CNOT4: variants seen among roughly 807,000 people sequenced by gnomAD.
CNOT4 encodes the protein CCR4-NOT transcription complex subunit 4, also known as CCR4-associated factor 4.
CNOT4 carries 8 observed loss-of-function variants against 73.8 expected under a neutral mutation model. That is an observed-to-expected ratio of 0.11 (90% CI 0.06 to 0.20). The LOEUF is 0.20. Among genes scored for constraint, CNOT4 ranks in the 10% least tolerant of loss-of-function variants. The pLI, the probability that CNOT4 is intolerant of heterozygous loss-of-function variation, is 1.00. For missense variants in CNOT4, 564 were observed against 883.4 expected (o/e 0.64, Z 4.58); for synonymous variants, 293 against 321.1 (o/e 0.91, Z 0.94).
intron 1 of CNOT4, among the ~76,000 whole-genome samples, chr7:135,443,098 C>T (rs1324203705): frequency 1.3e-5 from 2 of 151,932 alleles, no homozygotes; most frequent in African/African-American, 4.8e-5. Context: ...CACCTGTAAC[C>T]CCAGCACTTT....
chr7:135,475,504 TAACA>T (rs1002052849), intron 1 of CNOT4, among the ~76,000 whole-genome samples: 3 of 152,094 alleles, frequency 2.0e-5, no homozygotes, highest in Non-Finnish European at 4.4e-5. Context: ...AAAAGAAAAC[TAACA>T]AACACAAAGC....
chr7:135,497,838 T>G (rs1003939245), intron 1 of CNOT4, among the ~76,000 whole-genome samples: 2 of 152,252 alleles, frequency 1.3e-5, no homozygotes, highest in African/African-American at 4.8e-5. Flanking sequence ...TATTTCTATG[T>G]GGTCAAGTGA....
intron 6 of CNOT4, among the ~76,000 whole-genome samples, chr7:135,410,887 T>C (rs771661050): frequency 6.6e-6 from 1 of 151,786 alleles, no homozygotes; most frequent in Non-Finnish European, 1.5e-5. Flanking sequence ...ATGATATATA[T>C]CTGATAAATT....
In CNOT4 at chr7:135,458,448, GACA is replaced by G. The variant is rs1800679247; in HGVS notation, c.-92-20028_-92-20026del. 5.9e-5 allele frequency among the ~76,000 whole-genome samples: 9 copies of G among 152,054 alleles called. No individual in the cohort carries two copies. The South Asian group carries it at 1.0e-3, about 18-fold the overall frequency. Reference sequence around the variant, plus strand: ...TAGCTGTAGCAATTTCTTAAAATAAGACAACAATAAAGTTTGCCACAGCCATTG... The same window carrying G: ...TAGCTGTAGCAATTTCTTAAAATAAGACAATAAAGTTTGCCACAGCCATTG... On this transcript the variant is annotated intron_variant, in intron 1 of 11. Coordinates refer to ENST00000541284, the MANE Select transcript of CNOT4 (RefSeq NM_001190850.2).
intron 7 of CNOT4, among the ~76,000 whole-genome samples, chr7:135,401,054 T>C (rs1796975779): frequency 6.6e-6 from 1 of 152,168 alleles, no homozygotes; most frequent in African/African-American, 2.4e-5. Flanking sequence ...GTAACCCCAA[T>C]AGAAAGAAAA....
chr7:135,488,195 T>C (rs1167297175), intron 1 of CNOT4, among the ~76,000 whole-genome samples: 1 of 152,222 alleles, frequency 6.6e-6, no homozygotes, highest in Non-Finnish European at 1.5e-5. Context: ...TTGAGCTCTG[T>C]TACCCAGGCT....
chr7:135,442,074 T>C (rs1447816934), intron 1 of CNOT4, among the ~76,000 whole-genome samples: 2 of 152,214 alleles, frequency 1.3e-5, no homozygotes, highest in Non-Finnish European at 2.9e-5. Context: ...AGTAACTATA[T>C]GATCTTGGAT....
At chr7:135,477,343 CA>C (rs397780678) in intron 1 of CNOT4, among the ~76,000 whole-genome samples, 131 of 137,582 alleles carry the variant, frequency 9.5e-4, no homozygotes, top group South Asian at 1.2e-3. Context: ...ACTCTTGTCT[CA>C]AAAAAAAAAA....
chr7:135,497,523 T>C (rs1224618597), intron 1 of CNOT4, among the ~76,000 whole-genome samples: 1 of 152,126 alleles, frequency 6.6e-6, no homozygotes, highest in Admixed American at 6.5e-5. Flanking sequence ...AATAGATTAG[T>C]GAACAGAACA....
chr7:135,495,750 G>A (rs1803518695), intron 1 of CNOT4, among the ~76,000 whole-genome samples: 4 of 106,680 alleles, frequency 3.7e-5, no homozygotes, highest in Admixed American at 9.1e-5. Flanking sequence ...AAGAAAGAAA[G>A]AAAGAAAGAA....
rs1165185485 is a variant in CNOT4 at position 135,363,781 on chromosome 7, C to A, written c.1840+73G>T. 8.2e-7 allele frequency: 1 copy of A among 1,224,698 alleles called. No individual in the cohort carries two copies. The highest frequency in any genetic ancestry group is 1.4e-5 in the South Asian group (1 of 69,938). The allele number at this position is 1,224,698 out of a possible 1,614,324, so 75.9% of individuals were successfully genotyped here. A position where few individuals can be genotyped will look rare whatever the true frequency, so the allele number is the denominator to read the frequency against. ...AAAGCAGCTTATGTTGAAGAGATCT[C>A]GGTTTTTATTTAATCTGTGCTAAAA... is the stretch of plus-strand genomic sequence containing the variant. On this transcript the variant is annotated intron_variant, in intron 11 of 11. Transcript: ENST00000541284. The surrounding 1 kb of genome is among the most constrained non-coding windows in gnomAD (Gnocchi z 4.3).
chr7:135,383,447 T>A (rs1795951910), intron 10 of CNOT4, among the ~76,000 whole-genome samples: 1 of 152,212 alleles, frequency 6.6e-6, no homozygotes, highest in Admixed American at 6.5e-5. Context: ...GCACTCTGCT[T>A]CCATGTCCTC....
intron 1 of CNOT4, among the ~76,000 whole-genome samples, chr7:135,489,721 T>C (rs912425964): frequency 1.3e-5 from 2 of 152,138 alleles, no homozygotes; most frequent in Non-Finnish European, 2.9e-5. Flanking sequence ...CTGTGCTCAG[T>C]AGTCCCATAT....
chr7:135,488,796 C>T (rs10261625), intron 1 of CNOT4, among the ~76,000 whole-genome samples: 12,512 of 152,024 alleles, frequency 0.082, 575 homozygotes, highest in Middle Eastern at 0.12. Context: ...AGAAGGAAAG[C>T]AAATAAAAGA....
At chr7:135,473,240 GAACT>G (rs1246307720) in intron 1 of CNOT4, among the ~76,000 whole-genome samples, 1 of 151,928 alleles carries the variant, frequency 6.6e-6, no homozygotes, top group Non-Finnish European at 1.5e-5. Flanking sequence ...TCTAATAAAT[GAACT>G]AATAACATGC....
chr7:135,436,795 C>G (rs1799181297), intron 2 of CNOT4, among the ~76,000 whole-genome samples: 1 of 151,738 alleles, frequency 6.6e-6, no homozygotes. Flanking sequence ...GATAAATAAA[C>G]AATGCATTGC....
At chr7:135,465,358 A>G (rs941196347) in intron 1 of CNOT4, among the ~76,000 whole-genome samples, 1 of 152,166 alleles carries the variant, frequency 6.6e-6, no homozygotes, top group African/African-American at 2.4e-5. Flanking sequence ...ACATTTTTGT[A>G]TTTATGGCAG....
intron 5 of CNOT4, 84 bp from the exon 6 acceptor site, chr7:135,413,697 A>G (rs1020180269): frequency 7.2e-7 from 1 of 1,393,304 alleles, no homozygotes; most frequent in Non-Finnish European, 9.8e-7. Context: ...AGTGTTTTCA[A>G]GTCACCTAAA....
At chr7:135,423,315 C>G (rs1264202657) in intron 2 of CNOT4, among the ~76,000 whole-genome samples, 1 of 150,172 alleles carries the variant, frequency 6.7e-6, no homozygotes, top group Admixed American at 6.6e-5. Context: ...GAAATTGGCA[C>G]CTATCAGAAT....
Sources: gnomAD v4.1 joint callset for allele counts (sites outside exome capture counted in the v4.1 genomes callset) on GRCh38, gnomAD v4.1.1 for gene constraint, Gnocchi (gnomAD v3.1) non-coding constraint, MANE v1.5 for transcripts, NCBI Gene and HGNC (gene_info 2026-07-23, HGNC 2026-07-21) for gene names.